The following CSMD1 variants were observed in gnomAD, a reference collection of about 807,000 sequenced individuals.
CSMD1 encodes the protein CUB and Sushi multiple domains 1.
CSMD1 carries 213 observed loss-of-function variants against 417.5 expected under a neutral mutation model. The observed-to-expected ratio is 0.51, with a 90% CI of 0.46 to 0.57. CSMD1 has a LOEUF of 0.57. Ranked by LOEUF, CSMD1 falls within the 20% of genes least tolerant of loss-of-function variation. CSMD1 has a pLI of 0.00. For missense variants in CSMD1, 6,923 were observed against 4,529.7 expected, an observed-to-expected ratio of 1.53 and a Z score of -15.17; for synonymous variants, 2,862 against 1,736.8, an observed-to-expected ratio of 1.65 and a Z score of -16.11.
chr8:4,354,639 A>G (rs1032390996), intron 3 of CSMD1, among the ~76,000 whole-genome samples: 11 of 152,138 alleles, frequency 7.2e-5, no homozygotes, highest in African/African-American at 2.7e-4. Flanking sequence ...CTCAAAAAAT[A>G]AACACATGAA....
At chr8:3,520,044 G>GTATATATATATATATATATATATATA (rs1563116164) in intron 10 of CSMD1, among the ~76,000 whole-genome samples, 3 of 137,354 alleles carry the variant, frequency 2.2e-5, no homozygotes, top group African/African-American at 9.7e-5. Context: ...ATATATACAC[G>GTATATATATATATATATATATATATA]TATAGTTGTG....
intron 1 of CSMD1, among the ~76,000 whole-genome samples, chr8:4,852,306 A>G (rs145381969): frequency 2.9e-4 from 44 of 152,278 alleles, no homozygotes; most frequent in African/African-American, 8.7e-4. Context: ...CTGATCCCTC[A>G]TAGATGGCTT....
chr8:4,419,731 A>G (rs974859690), intron 3 of CSMD1, among the ~76,000 whole-genome samples: 5 of 152,178 alleles, frequency 3.3e-5, no homozygotes, highest in African/African-American at 1.2e-4. Context: ...CCAAGAAGAA[A>G]AGTTCTAGTG....
chr8:4,551,246 G>A (rs926638135), intron 2 of CSMD1, among the ~76,000 whole-genome samples: 2 of 149,014 alleles, frequency 1.3e-5, no homozygotes, highest in South Asian at 4.3e-4. Flanking sequence ...GAATGCAGAG[G>A]CAGGCTATCT....
chr8:4,467,825 A>G (rs1293548300), intron 2 of CSMD1, among the ~76,000 whole-genome samples: 1 of 152,218 alleles, frequency 6.6e-6, no homozygotes, highest in Non-Finnish European at 1.5e-5. Context: ...AATTGGACAA[A>G]CTCAATGAAA....
chr8:4,385,773 T>C (rs1803407189), intron 3 of CSMD1, among the ~76,000 whole-genome samples: 1 of 152,200 alleles, frequency 6.6e-6, no homozygotes, highest in African/African-American at 2.4e-5. Flanking sequence ...TCGATTGTAA[T>C]GGTTGTTTGT....
At chr8:3,797,039 G>A (rs1025026184) in intron 5 of CSMD1, among the ~76,000 whole-genome samples, 1 of 151,812 alleles carries the variant, frequency 6.6e-6, no homozygotes, top group Non-Finnish European at 1.5e-5. Context: ...AAATATATCA[G>A]CACATACGTG....
chr8:3,668,144 G>C (rs982260018), intron 7 of CSMD1, among the ~76,000 whole-genome samples: 2 of 152,104 alleles, frequency 1.3e-5, no homozygotes, highest in Non-Finnish European at 2.9e-5. Flanking sequence ...GACAGATAAC[G>C]AATCTACAGG....
chr8:4,879,344 A>G (rs1301310201), intron 1 of CSMD1, among the ~76,000 whole-genome samples: 1 of 152,064 alleles, frequency 6.6e-6, no homozygotes, highest in East Asian at 1.9e-4. Flanking sequence ...AAGTTAGGAA[A>G]GTGAGATGGG....
At position 4,290,289 on chromosome 8, in the gene CSMD1, A is replaced by G. The variant is rs543753686; in HGVS notation, c.415+129664T>C. 6.6e-5 allele frequency among the ~76,000 whole-genome samples: 10 copies of G among 151,760 alleles called. No individual in the cohort carries two copies. The South Asian group carries it at 2.1e-3, about 31-fold the overall frequency. Reference sequence around the variant, plus strand: ...TAGAAGAAAAGCATGGTTTTCACATATGTCTACAGATGTGAAATTTCAGAT... The same window carrying G: ...TAGAAGAAAAGCATGGTTTTCACATGTGTCTACAGATGTGAAATTTCAGAT... On this transcript the variant is annotated intron_variant, in intron 3 of 69. Transcript: ENST00000635120.
At chr8:4,192,366 A>G (rs1367309352) in intron 3 of CSMD1, among the ~76,000 whole-genome samples, 2 of 152,172 alleles carry the variant, frequency 1.3e-5, no homozygotes, top group Non-Finnish European at 2.9e-5. Flanking sequence ...GATGTCTTAG[A>G]GACTCTTTCT....
intron 3 of CSMD1, among the ~76,000 whole-genome samples, chr8:4,186,620 G>A (rs757894478): frequency 6.6e-6 from 1 of 152,132 alleles, no homozygotes; most frequent in Non-Finnish European, 1.5e-5. Context: ...CAATCTTCCA[G>A]GGGCTAAGAG....
chr8:3,031,024 AATT>A (rs1350978477), intron 50 of CSMD1, among the ~76,000 whole-genome samples: 3 of 151,938 alleles, frequency 2.0e-5, no homozygotes, highest in Non-Finnish European at 4.4e-5. Flanking sequence ...AGGTTGAAGG[AATT>A]ATTCTAAATT....
At chr8:3,366,129 G>C (rs1211522115) in intron 20 of CSMD1, among the ~76,000 whole-genome samples, 2 of 152,170 alleles carry the variant, frequency 1.3e-5, no homozygotes, top group East Asian at 3.8e-4. Flanking sequence ...GGGCTATGAG[G>C]AATAAGGAAG....
chr8:4,411,582 T>C (rs1266234247), intron 3 of CSMD1, among the ~76,000 whole-genome samples: 1 of 152,226 alleles, frequency 6.6e-6, no homozygotes, highest in Non-Finnish European at 1.5e-5. Flanking sequence ...TGCAATGAGC[T>C]AAATAACAGT....
At chr8:3,329,319 G>A (rs1276112766) in intron 23 of CSMD1, among the ~76,000 whole-genome samples, 1 of 152,044 alleles carries the variant, frequency 6.6e-6, no homozygotes, top group East Asian at 1.9e-4. Context: ...ACCCCTAAGA[G>A]CAGGCTTCAT....
chr8:3,606,016 C>T (rs372912611), intron 8 of CSMD1, among the ~76,000 whole-genome samples: 3 of 152,120 alleles, frequency 2.0e-5, no homozygotes, highest in African/African-American at 4.8e-5. Context: ...AATAAGGCGT[C>T]TCCCCTTTCC....
intron 49 of CSMD1, among the ~76,000 whole-genome samples, chr8:3,064,610 T>C (rs1271839897): frequency 6.6e-6 from 1 of 152,116 alleles, no homozygotes. Context: ...AAAGAAGAAA[T>C]AAACATATGA....
At chr8:3,060,729 G>C (rs1812539483) in intron 49 of CSMD1, among the ~76,000 whole-genome samples, 2 of 152,128 alleles carry the variant, frequency 1.3e-5, no homozygotes, top group Non-Finnish European at 2.9e-5. Context: ...CCAAAATTCA[G>C]TTTTCAATAT....
Sources: gnomAD v4.1 joint callset for allele counts (sites outside exome capture counted in the v4.1 genomes callset) on GRCh38, gnomAD v4.1.1 for gene constraint, MANE v1.5 for transcripts, NCBI Gene and HGNC (gene_info 2026-07-23, HGNC 2026-07-21) for gene names.